Variants in NTSR1 observed in about 807,000 individuals in gnomAD.
NTSR1 encodes the protein neurotensin receptor type 1.
In NTSR1, 29 loss-of-function variants were observed where a neutral mutation model predicts 31.2. The ratio of observed to expected loss-of-function variants is 0.93; its 90% CI spans 0.69 to 1.27. NTSR1 has a LOEUF of 1.27. NTSR1 is among the 50% of genes most tolerant of loss of function. NTSR1 has a pLI of 0.00. For synonymous variants in NTSR1, 282 were observed against 269.9 expected (o/e 1.04, Z -0.44); for missense variants, 697 against 595.4 (o/e 1.17, Z -1.78).
In NTSR1 at chr20:62,754,875, T is replaced by A. The variant is rs1186699937; in HGVS notation, c.905T>A (p.Val302Glu). 4.4e-6 allele frequency: 7 copies of A among 1,600,330 alleles called. No individual in the cohort carries two copies. Among genetic ancestry groups the A allele is most frequent in the Non-Finnish European group, 5.9e-6 (7 of 1,177,574 alleles). The part of the protein sequence containing the change: ...PGRVQALRHG[V>E]RVLRAVVIAF... ...AGGGTCCAGGCCCTGCGGCACGGCG[T>A]GCGCGTCCTACGTACGTAACCTCTG... Residue 302 changes from valine (V) to glutamate (E), a missense_variant, in exon 2 of 4, where the codon GTG becomes GAG. Physicochemically the swap from Val to Glu is moderately radical, Grantham distance 121 (BLOSUM62 -2). Transcript: ENST00000370501.
At chr20:62,723,601 A>G (rs1204026171) in intron 1 of NTSR1, among the ~76,000 whole-genome samples, 1 of 152,222 alleles carries the variant, frequency 6.6e-6, no homozygotes, top group African/African-American at 2.4e-5. Context: ...GTGGAGGACC[A>G]GATCCAGGAT....
intron 3 of NTSR1, among the ~76,000 whole-genome samples, 173 bp from the exon 4 acceptor site, chr20:62,759,845 G>A (rs1989583108): frequency 6.6e-6 from 1 of 151,730 alleles, no homozygotes; most frequent in Non-Finnish European, 1.5e-5. Context: ...CTGCTCAGGA[G>A]AAGCCAGACC....
Position 62,741,331 on chromosome 20 carries a change from G to A in NTSR1, c.715-13354G>A, listed in dbSNP as rs981188224. Among the ~76,000 whole-genome samples, 1 of 136,240 alleles carries A rather than the reference G, an allele frequency of 7.3e-6. No homozygotes were observed. The highest frequency in any genetic ancestry group is 8.1e-5 in the Admixed American group (1 of 12,324). The allele number at this position is 136,240 out of a possible 152,430, so 89.4% of individuals were successfully genotyped here. A position where few individuals can be genotyped will look rare whatever the true frequency, so the allele number is the denominator to read the frequency against. Reference sequence around the variant, plus strand: ...GCCTCTATAGCTCCAGCAATCAGGAGGGAAAAGATTCCAACTCCCACACTC... The same window carrying A: ...GCCTCTATAGCTCCAGCAATCAGGAAGGAAAAGATTCCAACTCCCACACTC... On this transcript the variant is annotated intron_variant, in intron 1 of 3. Transcript: ENST00000370501. This position sits in a 1 kb window ranked among gnomAD's most constrained non-coding sequence, Gnocchi z 4.3.
intron 1 of NTSR1, among the ~76,000 whole-genome samples, chr20:62,740,454 G>A (rs1415349064): frequency 6.6e-6 from 1 of 150,640 alleles, no homozygotes; most frequent in Admixed American, 6.6e-5. Context: ...GATCTTACAA[G>A]CCGTGCAGGC....
At chr20:62,754,195 TAGTGTG>T (rs1989440101) in intron 1 of NTSR1, among the ~76,000 whole-genome samples, 1 of 152,108 alleles carries the variant, frequency 6.6e-6, no homozygotes. Flanking sequence ...GGGCCTCTAT[TAGTGTG>T]AGCTGTCAGG....
chr20:62,748,123 C>T (rs1376354381), intron 1 of NTSR1, among the ~76,000 whole-genome samples: 1 of 137,298 alleles, frequency 7.3e-6, no homozygotes, highest in African/African-American at 2.7e-5. Flanking sequence ...TGCAGTGAGC[C>T]AAAATTGTGC....
intron 1 of NTSR1, among the ~76,000 whole-genome samples, chr20:62,736,705 A>T (rs2147140632): frequency 6.6e-6 from 1 of 152,254 alleles, no homozygotes; most frequent in African/African-American, 2.4e-5. Flanking sequence ...TTCATTTTCC[A>T]TCTGTGACCA....
chr20:62,734,656 C>T (rs941373437), intron 1 of NTSR1, among the ~76,000 whole-genome samples: 3 of 152,168 alleles, frequency 2.0e-5, no homozygotes, highest in East Asian at 1.9e-4. Flanking sequence ...CTGGGCCACA[C>T]GTGGCCACTG....
chr20:62,715,702 T>C lies in NTSR1; in HGVS notation c.714+5781T>C, dbSNP rs1014546369. Among the ~76,000 whole-genome samples, 1 of 152,186 alleles carries C rather than the reference T, an allele frequency of 6.6e-6. No individual in the cohort carries two copies. The stretch of plus-strand genomic sequence containing the variant: ...TGTTCAACTCCAAGGACAAATGGGG[T>C]CCTGGGGCTGTGCCTGCAGTTCTGT... On this transcript the variant is annotated intron_variant, in intron 1 of 3. Transcript: ENST00000370501. This position sits in a 1 kb window ranked among gnomAD's most constrained non-coding sequence, Gnocchi z 4.7.
At chr20:62,749,615 C>A (rs1456409988) in intron 1 of NTSR1, among the ~76,000 whole-genome samples, 2 of 152,070 alleles carry the variant, frequency 1.3e-5, no homozygotes, top group African/African-American at 4.8e-5. Context: ...AAAAATAACC[C>A]ATTTAAAAAT....
At chr20:62,713,619 C>T (rs998080724) in intron 1 of NTSR1, among the ~76,000 whole-genome samples, 1 of 152,146 alleles carries the variant, frequency 6.6e-6, no homozygotes, top group Admixed American at 6.5e-5. Context: ...GTGGAGTCTG[C>T]AACTTATTCT....
chr20:62,739,551 C>G (rs1989165724), intron 1 of NTSR1, among the ~76,000 whole-genome samples: 1 of 152,244 alleles, frequency 6.6e-6, no homozygotes, highest in East Asian at 1.9e-4. Flanking sequence ...GGGGCCGCCC[C>G]CGGCCTTCCT....
intron 1 of NTSR1, among the ~76,000 whole-genome samples, chr20:62,752,237 G>A (rs1480013743): frequency 2.0e-5 from 3 of 152,136 alleles, no homozygotes; most frequent in Non-Finnish European, 2.9e-5. Flanking sequence ...GCTTTCCTCC[G>A]AGTCCCCGCG....
In NTSR1 at chr20:62,743,584, G is replaced by A. The variant is rs1989241430; in HGVS notation, c.715-11101G>A. On this transcript the variant is annotated intron_variant, in intron 1 of 3. Coordinates refer to ENST00000370501, the MANE Select transcript of NTSR1 (RefSeq NM_002531.3). This position sits in a 1 kb window ranked among gnomAD's most constrained non-coding sequence, Gnocchi z 7.5. Reference sequence around the variant, plus strand: ...GCGGTCACCCCCTTGGGAGGGTGTGGACAGGAGCCTCCCCTCCCACCCGCC... The same window carrying A: ...GCGGTCACCCCCTTGGGAGGGTGTGAACAGGAGCCTCCCCTCCCACCCGCC... Among the ~76,000 whole-genome samples the A allele has an allele frequency of 6.6e-6, 1 of 152,170 alleles. No homozygotes were observed. The highest frequency in any genetic ancestry group is 1.9e-4 in the East Asian group (1 of 5,180).
chr20:62,709,257 A>T lies in NTSR1; in HGVS notation c.50A>T (p.Asp17Val), dbSNP rs1299407081. The T allele has an allele frequency of 6.5e-7, 1 of 1,536,208 alleles. No individual in the cohort carries two copies. The highest frequency in any genetic ancestry group is 8.7e-7 in the Non-Finnish European group (1 of 1,148,036). ...GGAACCCCGGGCACGCCGGCCGCCG[A>T]CCCCTTCCAGCGGGCGCAGGCCGGA... ...APGTPGTPAADPFQRAQAGLE... is the reference protein window; with the variant it reads ...APGTPGTPAAVPFQRAQAGLE... Residue 17 changes from aspartate to valine, a missense_variant, in exon 1 of 4, where the codon GAC becomes GTC. By Grantham distance (152) the Asp-to-Val change is radical. Coordinates refer to ENST00000370501, the MANE Select transcript of NTSR1 (RefSeq NM_002531.3).
chr20:62,726,507 G>C (rs921037288), intron 1 of NTSR1, among the ~76,000 whole-genome samples: 1 of 152,146 alleles, frequency 6.6e-6, no homozygotes, highest in Non-Finnish European at 1.5e-5. Context: ...GTCCCCAGGA[G>C]AATCAGCCAT....
chr20:62,740,470 G>A (rs186616545), intron 1 of NTSR1, among the ~76,000 whole-genome samples: 1 of 152,274 alleles, frequency 6.6e-6, no homozygotes, highest in Non-Finnish European at 1.5e-5. Context: ...CAGGCCGGAG[G>A]GAAAAGGGTT....
intron 1 of NTSR1, among the ~76,000 whole-genome samples, chr20:62,726,709 A>G (rs76739616): frequency 6.6e-6 from 1 of 151,228 alleles, no homozygotes; most frequent in Non-Finnish European, 1.5e-5. Context: ...AAAAAAAAAA[A>G]TGGTGGGAAT....
At chr20:62,757,441 A>C (rs1024783599) in intron 2 of NTSR1, among the ~76,000 whole-genome samples, 3 of 152,218 alleles carry the variant, frequency 2.0e-5, no homozygotes, top group Non-Finnish European at 4.4e-5. Flanking sequence ...TGCCAGCACC[A>C]CACTGTAACT....
Sources: allele counts gnomAD v4.1 joint callset (sites outside exome capture counted in the v4.1 genomes callset), GRCh38; gene constraint gnomAD v4.1.1; non-coding constraint Gnocchi (gnomAD v3.1); transcripts MANE v1.5; gene names NCBI Gene and HGNC (gene_info 2026-07-23, HGNC 2026-07-21).